PRKAR1B: variants seen among roughly 807,000 people sequenced by gnomAD.
PRKAR1B encodes cAMP-dependent protein kinase type I-beta regulatory subunit.
Under a neutral mutation model 46.5 loss-of-function variants are expected in PRKAR1B, and 22 were observed. The ratio of observed to expected loss-of-function variants is 0.47; its 90% CI spans 0.34 to 0.68. PRKAR1B has a LOEUF of 0.68. Among genes scored for constraint, PRKAR1B ranks in the 30% least tolerant of loss-of-function variants. PRKAR1B has a pLI of 0.01. For synonymous variants in PRKAR1B, 259 were observed against 217.7 expected (o/e 1.19, Z -1.67); for missense variants, 445 against 535.6 (o/e 0.83, Z 1.67).
intron 4 of PRKAR1B, among the ~76,000 whole-genome samples, chr7:655,333 C>T (rs1785137783): frequency 6.6e-6 from 1 of 152,230 alleles, no homozygotes; most frequent in South Asian, 2.1e-4. Flanking sequence ...TCACTGGCCT[C>T]CTTGTTAATT....
intron 4 of PRKAR1B, among the ~76,000 whole-genome samples, chr7:623,600 G>A (rs1310581579): frequency 6.6e-6 from 1 of 152,194 alleles, no homozygotes; most frequent in East Asian, 1.9e-4. Context: ...AGTGAAGCCA[G>A]AACCCCCCAG....
rs1784100336 is a variant in PRKAR1B, at chr7:550,313, C to T, written c.*117G>A. The T allele has an allele frequency of 2.3e-6, 2 of 864,870 alleles. No individual in the cohort carries two copies. The highest frequency in any genetic ancestry group is 3.6e-6 in the Non-Finnish European group (2 of 550,112). 53.6% of individuals were successfully genotyped at this position (864,870 alleles called of 1,614,324 possible). On this transcript the variant is annotated 3_prime_UTR_variant, in exon 11 of 11. Transcript: ENST00000537384. ...CGGGGAAGGGGCAGTCCTCACGCTGCCGGGACCCAGCCCCACCCGGCCCAC... is the reference window on the plus strand; with the variant it reads ...CGGGGAAGGGGCAGTCCTCACGCTGTCGGGACCCAGCCCCACCCGGCCCAC...
rs139978435 is a variant in PRKAR1B, at chr7:551,362, G to A, written c.973+27C>T. On this transcript the variant is annotated intron_variant, in intron 10 of 10. Coordinates refer to ENST00000537384, the MANE Select transcript of PRKAR1B (RefSeq NM_001164760.2). ...CCAAATGAGATGGCCACAGCCGTGC[G>A]AGGGAGGGGACGCCCACTGGACTCA... 1.7e-3 allele frequency: 2,669 copies of A among 1,547,682 alleles called. 46 individuals carry two copies. The African/African-American group carries it at 0.032, about 19-fold the overall frequency.
chr7:726,827 C>A, intron 1 of PRKAR1B: 1 of 1,326,946 alleles, frequency 7.5e-7, no homozygotes, highest in South Asian at 2.0e-5. Context: ...CGCCTGCTGC[C>A]GGGGCTGGAG....
chr7:726,880 C>A, intron 1 of PRKAR1B: 2 of 1,327,154 alleles, frequency 1.5e-6, no homozygotes, highest in Non-Finnish European at 9.6e-7. Context: ...GGAGGCCCTG[C>A]GGCGCGCGCT....
chr7:584,493 G>T lies in PRKAR1B; in HGVS notation c.769+15C>A. 2 of 1,613,004 alleles carry T rather than the reference G, an allele frequency of 1.2e-6. No homozygotes were observed. The highest frequency in any genetic ancestry group is 1.7e-6 in the Non-Finnish European group (2 of 1,179,332). On this transcript the variant is annotated intron_variant, in intron 8 of 10. Coordinates refer to ENST00000537384, the MANE Select transcript of PRKAR1B (RefSeq NM_001164760.2). ...ATGTCGGGACACACAGCCGTGCAGG[G>T]GCGCAGCCACTGACCTAGGATGGAG...
chr7:609,218 C>G (rs1162277698), intron 4 of PRKAR1B, among the ~76,000 whole-genome samples: 1 of 152,214 alleles, frequency 6.6e-6, no homozygotes, highest in Non-Finnish European at 1.5e-5. Context: ...AGGAGCCGCC[C>G]TGGCACCGTT....
chr7:695,553 A>G (rs1031022163), intron 2 of PRKAR1B, among the ~76,000 whole-genome samples: 1 of 152,178 alleles, frequency 6.6e-6, no homozygotes, highest in Non-Finnish European at 1.5e-5. Flanking sequence ...TTCAAGTGAG[A>G]TGGGCGAGGT....
At chr7:576,321 A>G (rs1779831792) in intron 9 of PRKAR1B, among the ~76,000 whole-genome samples, 1 of 152,156 alleles carries the variant, frequency 6.6e-6, no homozygotes, top group South Asian at 2.1e-4. Context: ...GGCCAGAATA[A>G]TCACTTGGGC....
chr7:566,396 C>T (rs111066247), intron 9 of PRKAR1B, among the ~76,000 whole-genome samples: 32 of 1,926 alleles, frequency 0.017, no homozygotes, highest in East Asian at 0.12. Context: ...ACCACCATCA[C>T]CACCACTTCC....
At chr7:687,916 T>C (rs943818843) in intron 2 of PRKAR1B, among the ~76,000 whole-genome samples, 4 of 143,078 alleles carry the variant, frequency 2.8e-5, no homozygotes, top group African/African-American at 1.0e-4. Flanking sequence ...GCCAATATGA[T>C]GAAACCTCAT....
chr7:661,369 T>C (rs1583376833), intron 4 of PRKAR1B, among the ~76,000 whole-genome samples: 1 of 60,788 alleles, frequency 1.6e-5, no homozygotes, highest in African/African-American at 7.9e-5. Context: ...ATGGCACAGG[T>C]CCCCACCCCA....
In PRKAR1B at chr7:667,257, G is replaced by A. The variant is rs1332181840; in HGVS notation, c.440+9972C>T. Among the ~76,000 whole-genome samples the A allele has an allele frequency of 6.6e-6, 1 of 152,176 alleles. No individual in the cohort carries two copies. The highest frequency in any genetic ancestry group is 1.5e-5 in the Non-Finnish European group (1 of 68,036). On this transcript the variant is annotated intron_variant, in intron 4 of 10. Transcript: ENST00000537384. This position sits in a 1 kb window ranked among gnomAD's most constrained non-coding sequence, Gnocchi z 4.3. ...GATGATAATGATGGTGGTGATAACAGTACACACATAGATATTCTTGCTTTA... is the reference window on the plus strand; with the variant it reads ...GATGATAATGATGGTGGTGATAACAATACACACATAGATATTCTTGCTTTA...
upstream of PRKAR1B, chr7:727,585 T>C: frequency 5.3e-6 from 1 of 187,734 alleles, no homozygotes; most frequent in Non-Finnish European, 1.0e-5. Context: ...TCTACCCCCA[T>C]GTACCTGTTT....
chr7:579,104 C>A (rs1299304827), intron 9 of PRKAR1B, 152 bp downstream of exon 9: 6 of 1,528,420 alleles, frequency 3.9e-6, no homozygotes, highest in South Asian at 1.3e-5. Flanking sequence ...GGCCACAGAC[C>A]ACCCACCCCA....
At chr7:690,054 C>A (rs192308909) in intron 2 of PRKAR1B, among the ~76,000 whole-genome samples, 4 of 150,996 alleles carry the variant, frequency 2.6e-5, no homozygotes, top group Admixed American at 2.6e-4. Flanking sequence ...CCCAGCACTT[C>A]GGGAGGCCAA....
At position 706,422 on chromosome 7, in the gene PRKAR1B, A is replaced by ATTTTTTTTTTTTTTTTTT. The variant is rs33963335; in HGVS notation, c.177+4889_177+4906dup. 3.0e-4 allele frequency among the ~76,000 whole-genome samples: 31 copies of ATTTTTTTTTTTTTTTTTT among 102,308 alleles called. 3 individuals carry two copies. Among genetic ancestry groups the ATTTTTTTTTTTTTTTTTT allele is most frequent in the Non-Finnish European group, 4.1e-4 (22 of 53,368 alleles). 67.1% of individuals were successfully genotyped at this position (102,308 alleles called of 152,430 possible). A position where few individuals can be genotyped will look rare whatever the true frequency, so the allele number is the denominator to read the frequency against. ...GCTGTGTTTTGCCATCAAATAAGGAATTTTTTTTTTTTTTTTTTTGAGACG... is the reference window on the plus strand; with the variant it reads ...GCTGTGTTTTGCCATCAAATAAGGAATTTTTTTTTTTTTTTTTTTTTTTTTTTTTTTTTTTTTGAGACG... On this transcript the variant is annotated intron_variant, in intron 2 of 10. Coordinates refer to ENST00000537384, the MANE Select transcript of PRKAR1B (RefSeq NM_001164760.2).
At chr7:603,984 G>C (rs113256018) in intron 6 of PRKAR1B, among the ~76,000 whole-genome samples, 15,341 of 148,602 alleles carry the variant, frequency 0.1, 1,079 homozygotes, top group African/African-American at 0.2. Context: ...CAGTCAGGAA[G>C]CTGCCCATCC....
intron 4 of PRKAR1B, among the ~76,000 whole-genome samples, chr7:648,461 A>G (rs1484805520): frequency 6.6e-6 from 1 of 151,996 alleles, no homozygotes; most frequent in Non-Finnish European, 1.5e-5. Flanking sequence ...AAATACAAAA[A>G]TTAGCTGGGC....
Sources: allele counts gnomAD v4.1 joint callset (sites outside exome capture counted in the v4.1 genomes callset), GRCh38; gene constraint gnomAD v4.1.1; non-coding constraint Gnocchi (gnomAD v3.1); transcripts MANE v1.5; gene names NCBI Gene and HGNC (gene_info 2026-07-23, HGNC 2026-07-21).